The following KLHL29 variants were observed in gnomAD, a reference collection of about 807,000 sequenced individuals.
KLHL29 encodes the protein kelch-like protein 29.
KLHL29 carries 21 observed loss-of-function variants against 80.4 expected under a neutral mutation model. The ratio of observed to expected loss-of-function variants is 0.26; its 90% confidence interval spans 0.19 to 0.38. KLHL29 has a LOEUF of 0.38. KLHL29 is among the 10% of genes least tolerant of loss of function. KLHL29 has a pLI of 1.00. For synonymous variants in KLHL29, 511 were observed against 526.8 expected, an observed-to-expected ratio of 0.97 and a Z score of 0.41; for missense variants, 867 against 1,223.9, an observed-to-expected ratio of 0.71 and a Z score of 4.35.
chr2:23,593,638 G>A (rs1224281585), intron 3 of KLHL29, among the ~76,000 whole-genome samples: 2 of 152,196 alleles, frequency 1.3e-5, no homozygotes, highest in African/African-American at 2.4e-5. Context: ...CTCGGGGAAC[G>A]TGGGGTCAGG....
intron 1 of KLHL29, among the ~76,000 whole-genome samples, chr2:23,389,255 G>A (rs920394822): frequency 2.0e-5 from 3 of 152,046 alleles, no homozygotes; most frequent in African/African-American, 4.8e-5. Context: ...ACTTAAATGC[G>A]AGTGATGATT....
rs145647953 is a variant in KLHL29, at chr2:23,628,760, T to C, written c.286-10379T>C. ...CCACCTGTGGCCCCACACCGGCCCA[T>C]AGCCCTGTACAGGGGACTTTTCCTC... On this transcript the variant is annotated intron_variant, in intron 3 of 13. Transcript: ENST00000486442. 3.2e-3 allele frequency among the ~76,000 whole-genome samples: 480 copies of C among 152,130 alleles called. 5 individuals are homozygous for C. The highest frequency in any genetic ancestry group is 0.011 in the African/African-American group (458 of 41,522).
chr2:23,443,081 A>G (rs1384241089), intron 1 of KLHL29, among the ~76,000 whole-genome samples: 1 of 152,180 alleles, frequency 6.6e-6, no homozygotes, highest in Non-Finnish European at 1.5e-5. Context: ...TTTATTATGA[A>G]AAATTTCCAA....
At chr2:23,456,288 G>A (rs1264242840) in intron 1 of KLHL29, among the ~76,000 whole-genome samples, 1 of 152,188 alleles carries the variant, frequency 6.6e-6, no homozygotes, top group Non-Finnish European at 1.5e-5. Context: ...GCCGGCCCTG[G>A]GCCCTTGGTG....
At chr2:23,558,470 C>T (rs1020065304) in intron 2 of KLHL29, among the ~76,000 whole-genome samples, 12 of 146,272 alleles carry the variant, frequency 8.2e-5, no homozygotes, top group African/African-American at 2.8e-4. Flanking sequence ...GGCACGATCT[C>T]GGCTTACTGC....
At chr2:23,494,814 G>A (rs868546562) in intron 2 of KLHL29, among the ~76,000 whole-genome samples, 2 of 152,058 alleles carry the variant, frequency 1.3e-5, no homozygotes, top group South Asian at 2.1e-4. Flanking sequence ...CCTGCTTTCC[G>A]GGCTCCTTCT....
intron 2 of KLHL29, chr2:23,524,405 C>T (rs1041001829): frequency 1.2e-5 from 2 of 168,090 alleles, no homozygotes; most frequent in South Asian, 1.5e-4. Context: ...CGGGAGGCGT[C>T]GGCAGGAGAA....
In KLHL29 at chr2:23,511,289, T is replaced by C. The variant is rs1665765596; in HGVS notation, c.-46+35622T>C. Among the ~76,000 whole-genome samples the C allele has an allele frequency of 2.6e-5, 4 of 152,184 alleles. No individual in the cohort carries two copies. In the South Asian group the frequency reaches 8.3e-4, roughly 32 times the overall value. ...GCCCCCTGAAGTGCCATCGCATGGG[T>C]AAATAAAGGGTACAGCACAGCCTCA... is the stretch of plus-strand genomic sequence containing the variant. On this transcript the variant is annotated intron_variant, in intron 2 of 13. Coordinates refer to ENST00000486442, the MANE Select transcript of KLHL29 (RefSeq NM_052920.2).
intron 2 of KLHL29, among the ~76,000 whole-genome samples, chr2:23,553,784 A>T (rs77777165): frequency 0.076 from 11,509 of 152,194 alleles, 754 homozygotes; most frequent in Admixed American, 0.23. Context: ...ATGTTCCCTG[A>T]GCCCCCTGCC....
At chr2:23,604,099 A>G (rs1399235486) in intron 3 of KLHL29, among the ~76,000 whole-genome samples, 1 of 151,986 alleles carries the variant, frequency 6.6e-6, no homozygotes, top group Admixed American at 6.5e-5. Context: ...CATCTAGACA[A>G]AGGACCATTG....
At position 23,480,252 on chromosome 2, in the gene KLHL29, C is replaced by T. The variant is rs181926630; in HGVS notation, c.-46+4585C>T. ...CTGTAATCCCAGCACTTTGGGAGGC[C>T]GAGGTGGGCGGATCACTTGAGGCCA... On this transcript the variant is annotated intron_variant, in intron 2 of 13. Transcript: ENST00000486442. 1.8e-4 allele frequency among the ~76,000 whole-genome samples: 28 copies of T among 152,270 alleles called. 1 individual carries two copies. The South Asian group carries it at 2.5e-3, about 14-fold the overall frequency.
At chr2:23,501,519 T>C (rs993237510) in intron 2 of KLHL29, among the ~76,000 whole-genome samples, 2 of 152,148 alleles carry the variant, frequency 1.3e-5, no homozygotes, top group African/African-American at 4.8e-5. Flanking sequence ...CGATCATCGA[T>C]GTTCAGGTTG....
chr2:23,494,602 G>A (rs1665203374), intron 2 of KLHL29, among the ~76,000 whole-genome samples: 1 of 152,168 alleles, frequency 6.6e-6, no homozygotes, highest in Admixed American at 6.5e-5. Flanking sequence ...GGACCTTCAT[G>A]CAAACTGCCG....
In KLHL29 at chr2:23,417,939, C is replaced by G. The variant is rs150682955; in HGVS notation, c.-154+32159C>G. ...TTTTTGGTGCCCTGTAGCATAACAT[C>G]GTCTCCTGTCATATTCTGTCCATCG... is the stretch of plus-strand genomic sequence containing the variant. On this transcript the variant is annotated intron_variant, in intron 1 of 13. Coordinates refer to ENST00000486442, the MANE Select transcript of KLHL29 (RefSeq NM_052920.2). Among the ~76,000 whole-genome samples, 4 of 152,244 alleles carry G rather than the reference C, an allele frequency of 2.6e-5. No individual in the cohort carries two copies. In the East Asian group the frequency reaches 7.7e-4, roughly 29 times the overall value.
At chr2:23,538,332 T>A (rs1344526241) in intron 2 of KLHL29, among the ~76,000 whole-genome samples, 5 of 152,218 alleles carry the variant, frequency 3.3e-5, no homozygotes, top group Non-Finnish European at 5.9e-5. Flanking sequence ...GTTTCACTTT[T>A]AAGGAAGCCA....
At chr2:23,588,259 A>G (rs1668167454) in intron 3 of KLHL29, among the ~76,000 whole-genome samples, 1 of 152,120 alleles carries the variant, frequency 6.6e-6, no homozygotes, top group African/African-American at 2.4e-5. Context: ...CTGAGTTGGT[A>G]TGGCCAGGAC....
chr2:23,637,743 C>T (rs1180905584), intron 3 of KLHL29, among the ~76,000 whole-genome samples: 4 of 152,156 alleles, frequency 2.6e-5, no homozygotes, highest in Non-Finnish European at 5.9e-5. Flanking sequence ...AGGAGAGCCA[C>T]TCTGGTCAGA....
At chr2:23,448,118 A>G (rs1213666365) in intron 1 of KLHL29, among the ~76,000 whole-genome samples, 1 of 152,052 alleles carries the variant, frequency 6.6e-6, no homozygotes, top group Non-Finnish European at 1.5e-5. Flanking sequence ...TTTGTATACT[A>G]AGGACTTCCC....
chr2:23,532,286 T>C (rs1666513730), intron 2 of KLHL29, among the ~76,000 whole-genome samples: 1 of 152,226 alleles, frequency 6.6e-6, no homozygotes, highest in South Asian at 2.1e-4. Flanking sequence ...TAAAAACAAA[T>C]TTAAAACTCT....
Sources: allele counts gnomAD v4.1 joint callset (sites outside exome capture counted in the v4.1 genomes callset), GRCh38; gene constraint gnomAD v4.1.1; transcripts MANE v1.5; gene names NCBI Gene and HGNC (gene_info 2026-07-23, HGNC 2026-07-21).